The following DIPK2B variants were observed in gnomAD, a reference collection of about 807,000 sequenced individuals.
The protein encoded by DIPK2B is divergent protein kinase domain 2B, also known as UPF0672 protein CXorf36.
Under a neutral mutation model 22.2 loss-of-function variants are expected in DIPK2B, and 15 were observed. The ratio of observed to expected loss-of-function variants is 0.68; its 90% CI spans 0.45 to 1.04. DIPK2B has a LOEUF of 1.04. Among genes scored for constraint, DIPK2B ranks in the 50% least tolerant of loss-of-function variants. The pLI is 0.00. For synonymous variants in DIPK2B, 163 were observed against 153.2 expected (o/e 1.06, Z -0.47); for missense variants, 345 against 348.3 (o/e 0.99, Z 0.08).
intron 2 of DIPK2B, among the ~76,000 whole-genome samples, chrX:45,187,468 GCACACACACACACACACACA>G (rs34308256): frequency 2.1e-3 from 203 of 98,489 alleles, no homozygotes; most frequent in Non-Finnish European, 2.9e-3. Context: ...GCGCGCGCGC[GCACACACACACACACACACA>G]CACACACACA....
Position 45,151,721 on chromosome X carries a change from C to A in DIPK2B, c.1233G>T (p.Arg411Ser). The change falls in exon 5 of 5, where the codon AGG becomes AGT. Residue 411 changes from arginine (R) to serine (S), a missense_variant. Coordinates refer to ENST00000398000, the MANE Select transcript of DIPK2B (RefSeq NM_176819.4). ...GAASQLKDIL[R>S]PLRTCDSRFA... ...ATCTGGAGTCACACGTTCTCAGGGG[C>A]CTCAAGATGTCTTTCAGCTGGCTGG... 8.3e-7 allele frequency: 1 copy of A among 1,211,908 alleles called. No homozygotes were observed. Among genetic ancestry groups the A allele is most frequent in the Non-Finnish European group, 1.1e-6 (1 of 895,483 alleles).
At chrX:45,155,427 A>ATATAT (rs1372510960) in intron 3 of DIPK2B, among the ~76,000 whole-genome samples, 38 of 84,538 alleles carry the variant, frequency 4.5e-4, no homozygotes, top group African/African-American at 1.5e-3. Flanking sequence ...TGTCTCAAAA[A>ATATAT]AAAAATATAT....
intron 2 of DIPK2B, among the ~76,000 whole-genome samples, chrX:45,165,867 C>T (rs2047046206): frequency 9.0e-6 from 1 of 111,594 alleles, no homozygotes; most frequent in African/African-American, 3.3e-5. Flanking sequence ...GAGGCACGTC[C>T]TCTGCATTCA....
At chrX:45,168,977 G>C (rs2047064737) in intron 2 of DIPK2B, among the ~76,000 whole-genome samples, 2 of 112,130 alleles carry the variant, frequency 1.8e-5, no homozygotes, top group Admixed American at 1.9e-4. Flanking sequence ...CCTGAGGCAA[G>C]TTCTTTAATT....
At chrX:45,186,338 G>A (rs1368163792) in intron 2 of DIPK2B, among the ~76,000 whole-genome samples, 1 of 110,953 alleles carries the variant, frequency 9.0e-6, no homozygotes, top group Non-Finnish European at 1.9e-5. Context: ...TCACAGGAAC[G>A]GGGTCTCATG....
chrX:45,152,043 G>T, intron 4 of DIPK2B, 51 bp from the exon 5 acceptor site: 1 of 1,067,472 alleles, frequency 9.4e-7, no homozygotes, highest in Non-Finnish European at 1.3e-6. Flanking sequence ...TGCTCCTTGA[G>T]GGAGGGCACC....
Position 45,157,774 on chromosome X carries a change from G to C in DIPK2B, c.613C>G (p.Arg205Gly). The change falls in exon 3 of 5, where the codon CGT becomes GGT. Residue 205 changes from arginine (R) to glycine (G), a missense_variant. Coordinates refer to ENST00000398000, the MANE Select transcript of DIPK2B (RefSeq NM_176819.4). ...GTGTAGAGCAGGCGCAGCTTGTCAC[G>C]GTCGGTGAAGTGGTCCATGAAGATG... ...GSIFMDHFTD[R>G]DKLRLLYTLA... is the part of the protein sequence containing the mutation. The C allele has an allele frequency of 8.4e-7, 1 of 1,194,330 alleles. No individual in the cohort carries two copies. The highest frequency in any genetic ancestry group is 3.0e-5 in the East Asian group (1 of 32,927).
intron 3 of DIPK2B, among the ~76,000 whole-genome samples, chrX:45,156,268 G>C (rs969189121): frequency 9.0e-6 from 1 of 110,796 alleles, no homozygotes; most frequent in Non-Finnish European, 1.9e-5. Context: ...CACAGCACCC[G>C]GCCCAGAGGG....
chrX:45,161,704 A>G (rs2047023605), intron 2 of DIPK2B, among the ~76,000 whole-genome samples: 1 of 112,136 alleles, frequency 8.9e-6, no homozygotes, highest in East Asian at 2.8e-4. Context: ...GAATGCAAAG[A>G]TTTGAAGATA....
intron 2 of DIPK2B, among the ~76,000 whole-genome samples, chrX:45,165,569 C>A (rs1315089292): frequency 1.8e-5 from 2 of 110,726 alleles, no homozygotes; most frequent in Non-Finnish European, 1.9e-5. Context: ...GCCACTAGCC[C>A]CATGCTGCAA....
chrX:45,148,601 A>C lies in DIPK2B; in HGVS notation c.*3051T>G, dbSNP rs1338209928. The C allele has an allele frequency of 3.7e-5, 4 of 109,377 alleles. No homozygotes were observed. Among genetic ancestry groups the C allele is most frequent in the African/African-American group, 1.3e-4 (4 of 29,832 alleles). The allele number at this position is 109,377 out of a possible 1,213,427, so 9.0% of individuals were successfully genotyped here. ...CCACATCTTGAGTGAGCTCAGCGAG[A>C]ACTCACTCATCACTTCCAGGAGGGC... On this transcript the variant is annotated 3_prime_UTR_variant, in exon 5 of 5. Coordinates refer to ENST00000398000, the MANE Select transcript of DIPK2B (RefSeq NM_176819.4).
rs748059168 is a variant in DIPK2B at position 45,191,915 on chromosome X, C to T, written c.334G>A (p.Glu112Lys). The T allele has an allele frequency of 1.7e-6, 2 of 1,211,167 alleles. No homozygotes were observed. Among genetic ancestry groups the T allele is most frequent in the South Asian group, 3.5e-5 (2 of 56,955 alleles). The change falls in exon 2 of 5, where the codon GAG becomes AAG. Residue 112 changes from glutamate (E) to lysine (K), a missense_variant. Coordinates refer to ENST00000398000, the MANE Select transcript of DIPK2B (RefSeq NM_176819.4). ...TATTTGCTGACCAGTCTAAAGATCT[C>T]CACAGGGCGCCAGATTTTGGAATCA... ...SDDSKIWRPV[E>K]IFRLVSKYQN...
intron 2 of DIPK2B, chrX:45,164,400 A>G: frequency 1.8e-6 from 1 of 559,622 alleles, no homozygotes; most frequent in Non-Finnish European, 2.6e-6. Context: ...AGTTGGGAAT[A>G]AGGACCAGGA....
chrX:45,177,556 T>C (rs1176553012), intron 2 of DIPK2B, among the ~76,000 whole-genome samples: 7 of 110,342 alleles, frequency 6.3e-5, no homozygotes, highest in African/African-American at 2.3e-4. Flanking sequence ...CCTTCCACCA[T>C]GAGTGGAAGC....
At chrX:45,167,625 C>G (rs909037130) in intron 2 of DIPK2B, among the ~76,000 whole-genome samples, 10 of 110,262 alleles carry the variant, frequency 9.1e-5, no homozygotes, top group African/African-American at 3.0e-4. Flanking sequence ...AGACACAGCA[C>G]AAAGCTTTTT....
At chrX:45,154,293 A>C (rs2046978913) in intron 3 of DIPK2B, 95 bp from the exon 4 acceptor site, 1 of 600,905 alleles carries the variant, frequency 1.7e-6, no homozygotes, top group Admixed American at 4.1e-5. Context: ...CTATCTATCT[A>C]TCTATCTATC....
Position 45,200,641 on chromosome X carries a change from G to A in DIPK2B, c.186C>T (p.Ala62=), listed in dbSNP as rs768953800. ...RTFLGLDKCN[A]CIGTSICKKF... is the part of the protein sequence containing the mutation. The stretch of plus-strand genomic sequence containing the variant: ...TCTTGCAAATAGATGTCCCGATGCA[G>A]GCATTGCATTTATCAAGACCGAGGA... Residue 62 remains alanine, a synonymous_variant, in exon 1 of 5, where the codon GCC becomes GCT. Coordinates refer to ENST00000398000, the MANE Select transcript of DIPK2B (RefSeq NM_176819.4). 3.3e-6 allele frequency: 4 copies of A among 1,211,288 alleles called. No individual in the cohort carries two copies. In the Admixed American group the frequency reaches 6.5e-5, roughly 20 times the overall value.
rs997404089 is a variant in DIPK2B, at chrX:45,150,270, G to T, written c.*1382C>A. ...GGGTTAAAGGCTGGCAGGGAAGCTG[G>T]GCAAATGTACAGAAGAGCCCCCTGC... is the stretch of plus-strand genomic sequence containing the variant. On this transcript the variant is annotated 3_prime_UTR_variant, in exon 5 of 5. Coordinates refer to ENST00000398000, the MANE Select transcript of DIPK2B (RefSeq NM_176819.4). The T allele has an allele frequency of 1.8e-5, 2 of 111,639 alleles. No individual in the cohort carries two copies. The highest frequency in any genetic ancestry group is 6.5e-5 in the African/African-American group (2 of 30,638). The allele number at this position is 111,639 out of a possible 1,213,427, so 9.2% of individuals were successfully genotyped here.
intron 2 of DIPK2B, among the ~76,000 whole-genome samples, chrX:45,185,899 G>A (rs1166515258): frequency 9.0e-6 from 1 of 110,832 alleles, no homozygotes; most frequent in African/African-American, 3.3e-5. Context: ...TGATCCGCCC[G>A]CCTCGGCCTC....
Sources: allele counts gnomAD v4.1 joint callset (sites outside exome capture counted in the v4.1 genomes callset), GRCh38; gene constraint gnomAD v4.1.1; transcripts MANE v1.5; gene names NCBI Gene and HGNC (gene_info 2026-07-23, HGNC 2026-07-21).